HRH1: variants seen among roughly 807,000 people sequenced by gnomAD.
HRH1 encodes histamine receptor H1.
In HRH1, 6 loss-of-function variants were observed where a neutral mutation model predicts 10.3. The ratio of observed to expected loss-of-function variants is 0.58; its 90% CI spans 0.32 to 1.15. HRH1 has a LOEUF of 1.15. HRH1 is among the 50% of genes most tolerant of loss of function. The probability of loss-of-function intolerance (pLI) is 0.05; values close to 1 mark genes in which losing one functional copy is unlikely to be tolerated. For missense variants in HRH1, 514 were observed against 615.3 expected, an observed-to-expected ratio of 0.84 and a Z score of 1.74; for synonymous variants, 242 against 236.7, an observed-to-expected ratio of 1.02 and a Z score of -0.21.
intron 1 of HRH1, among the ~76,000 whole-genome samples, chr3:11,217,218 A>C (rs1330472739): frequency 6.6e-6 from 1 of 151,270 alleles, no homozygotes; most frequent in Middle Eastern, 3.2e-3. Context: ...CAAAACCAAA[A>C]AAAAAAAAAC....
At chr3:11,198,419 G>A (rs1937759435) in intron 1 of HRH1, among the ~76,000 whole-genome samples, 1 of 152,194 alleles carries the variant, frequency 6.6e-6, no homozygotes, top group South Asian at 2.1e-4. Flanking sequence ...CAAGATGACA[G>A]TAGCAAATGA....
intron 1 of HRH1, among the ~76,000 whole-genome samples, chr3:11,248,244 C>T (rs1324823447): frequency 6.6e-6 from 1 of 152,120 alleles, no homozygotes; most frequent in Non-Finnish European, 1.5e-5. Flanking sequence ...AATTGCATCT[C>T]TAGTAAAATT....
In HRH1 at chr3:11,189,975, G is replaced by C. The variant is rs937653947; in HGVS notation, c.-36+35421G>C. On this transcript the variant is annotated intron_variant, in intron 1 of 1. Transcript: ENST00000431010. The stretch of plus-strand genomic sequence containing the variant: ...AAAAAAAGAAAAATGGTCACTAAAA[G>C]AGCGAGTGTGGTAAAAATGCAGGAA... 2.0e-5 allele frequency among the ~76,000 whole-genome samples: 3 copies of C among 152,088 alleles called. No homozygotes were observed. In the East Asian group the frequency reaches 5.8e-4, roughly 29 times the overall value.
At chr3:11,164,780 C>T (rs1238122038) in intron 1 of HRH1, among the ~76,000 whole-genome samples, 1 of 152,194 alleles carries the variant, frequency 6.6e-6, no homozygotes, top group Non-Finnish European at 1.5e-5. Context: ...AACAGCAGTG[C>T]AGTTCACTCC....
At chr3:11,192,888 A>T (rs924345792) in intron 1 of HRH1, among the ~76,000 whole-genome samples, 2 of 152,058 alleles carry the variant, frequency 1.3e-5, no homozygotes, top group Non-Finnish European at 2.9e-5. Context: ...TCTTGGGTTC[A>T]TCTCTCCCAG....
intron 1 of HRH1, among the ~76,000 whole-genome samples, chr3:11,196,876 G>A (rs78307644): frequency 4.6e-5 from 7 of 150,652 alleles, no homozygotes; most frequent in Non-Finnish European, 8.8e-5. Context: ...TTGGGAGGCC[G>A]AGGTGGTCAG....
intron 1 of HRH1, among the ~76,000 whole-genome samples, chr3:11,222,557 G>C (rs1938740479): frequency 6.6e-6 from 1 of 152,282 alleles, no homozygotes; most frequent in Admixed American, 6.5e-5. Flanking sequence ...TGGAAAACAA[G>C]AGGAGGGAAA....
intron 1 of HRH1, among the ~76,000 whole-genome samples, chr3:11,169,971 C>T (rs1313815381): frequency 1.3e-5 from 2 of 152,190 alleles, no homozygotes; most frequent in East Asian, 3.9e-4. Flanking sequence ...CTGTCTCCTC[C>T]TCCCCACAGT....
intron 1 of HRH1, among the ~76,000 whole-genome samples, chr3:11,247,412 A>G (rs1461159695): frequency 2.0e-5 from 3 of 152,286 alleles, no homozygotes; most frequent in South Asian, 4.1e-4. Flanking sequence ...TTTTATCCCT[A>G]ATGCAGTTCC....
intron 1 of HRH1, among the ~76,000 whole-genome samples, chr3:11,145,287 T>C (rs1936412551): frequency 6.6e-6 from 1 of 152,178 alleles, no homozygotes. Flanking sequence ...ACACCCTCCT[T>C]CTCTCAGTCA....
At chr3:11,258,636 T>C (rs1031579075) in intron 1 of HRH1, among the ~76,000 whole-genome samples, 2 of 152,308 alleles carry the variant, frequency 1.3e-5, no homozygotes, top group East Asian at 3.9e-4. Flanking sequence ...TATATTCTGC[T>C]TAGACACATG....
intron 1 of HRH1, among the ~76,000 whole-genome samples, chr3:11,202,241 T>A (rs1033651544): frequency 4.0e-5 from 6 of 151,854 alleles, no homozygotes; most frequent in Non-Finnish European, 7.4e-5. Context: ...CTGTCTCTAC[T>A]AAAAATACAA....
intron 1 of HRH1, among the ~76,000 whole-genome samples, chr3:11,147,886 T>C (rs944404103): frequency 6.6e-6 from 1 of 152,106 alleles, no homozygotes; most frequent in Non-Finnish European, 1.5e-5. Flanking sequence ...CCACTCTGTT[T>C]GAAACTCTCT....
intron 1 of HRH1, among the ~76,000 whole-genome samples, chr3:11,242,382 T>G (rs960146300): frequency 6.9e-6 from 1 of 144,988 alleles, no homozygotes; most frequent in African/African-American, 2.5e-5. Context: ...TCGGGGAGGC[T>G]GTGTCAGGAG....
intron 1 of HRH1, among the ~76,000 whole-genome samples, chr3:11,183,065 G>C (rs1250961690): frequency 1.3e-5 from 2 of 152,170 alleles, no homozygotes; most frequent in Non-Finnish European, 2.9e-5. Flanking sequence ...CCGCCCCCTG[G>C]CCATCTCTGA....
intron 1 of HRH1, among the ~76,000 whole-genome samples, chr3:11,218,372 C>T (rs867710922): frequency 4.0e-5 from 6 of 149,258 alleles, no homozygotes; most frequent in South Asian, 4.3e-4. Flanking sequence ...AGCTTGAACC[C>T]GGGAGGCGGA....
intron 1 of HRH1, among the ~76,000 whole-genome samples, chr3:11,250,353 C>T (rs1939616071): frequency 6.6e-6 from 1 of 151,862 alleles, no homozygotes; most frequent in Non-Finnish European, 1.5e-5. Flanking sequence ...GCCACCGCGC[C>T]CGGCCGCTTT....
chr3:11,226,054 G>A (rs1938870917), intron 1 of HRH1: 1 of 152,496 alleles, frequency 6.6e-6, no homozygotes, highest in African/African-American at 2.4e-5. Context: ...AGCAGCATTT[G>A]TAAAGGTATG....
chr3:11,221,013 C>G (rs1414677255), intron 1 of HRH1, among the ~76,000 whole-genome samples: 1 of 152,112 alleles, frequency 6.6e-6, no homozygotes, highest in East Asian at 1.9e-4. Flanking sequence ...TCTCTGGAGT[C>G]ACTACCCCCA....
Sources: allele counts gnomAD v4.1 joint callset (sites outside exome capture counted in the v4.1 genomes callset), GRCh38; gene constraint gnomAD v4.1.1; transcripts MANE v1.5; gene names NCBI Gene and HGNC (gene_info 2026-07-23, HGNC 2026-07-21).